FGD4: variants seen among roughly 807,000 people sequenced by gnomAD.
The protein encoded by FGD4 is FYVE, RhoGEF and PH domain containing 4.
FGD4 carries 42 observed loss-of-function variants against 102.0 expected under a neutral mutation model. That is an observed-to-expected ratio of 0.41 (90% CI 0.32 to 0.53). The LOEUF (loss-of-function observed/expected upper bound fraction) is 0.53. Ranked by LOEUF, FGD4 falls within the 20% of genes least tolerant of loss-of-function variation. The pLI, the probability that FGD4 is intolerant of heterozygous loss-of-function variation, is 0.21. For missense variants in FGD4, 902 were observed against 1,078.2 expected (o/e 0.84, Z 2.29); for synonymous variants, 380 against 375.7 (o/e 1.01, Z -0.13).
In FGD4 at chr12:32,645,874, A is replaced by G. The variant is rs1023722982; in HGVS notation, c.*5341A>G. 1 of 152,332 alleles carries G rather than the reference A, an allele frequency of 6.6e-6. No homozygotes were observed. The highest frequency in any genetic ancestry group is 1.9e-4 in the East Asian group (1 of 5,188). 9.4% of individuals were successfully genotyped at this position (152,332 alleles called of 1,614,324 possible). On this transcript the variant is annotated 3_prime_UTR_variant, in exon 17 of 17. Transcript: ENST00000534526. ...CTCAAGTGTGAAAGTATACACAAGT[A>G]ATTTTTCTTTTCTAGCTATGTGAAT...
rs1485635254 is a variant in FGD4 at position 32,418,862 on chromosome 12, A to C, written c.166+18903A>C. 5.3e-5 allele frequency among the ~76,000 whole-genome samples: 8 copies of C among 152,196 alleles called. No homozygotes were observed. The South Asian group carries it at 1.7e-3, about 31-fold the overall frequency. On this transcript the variant is annotated intron_variant, in intron 1 of 16. Coordinates refer to ENST00000534526, the MANE Select transcript of FGD4 (RefSeq NM_001370298.3). ...GCTGTCTGAGAACACCAGGGATTGA[A>C]GTCAAAACCTTAGATATTTACCTGG...
At chr12:32,495,522 C>A (rs142203952) in intron 1 of FGD4, among the ~76,000 whole-genome samples, 1 of 151,806 alleles carries the variant, frequency 6.6e-6, no homozygotes, top group East Asian at 1.9e-4. Flanking sequence ...CAGCGAAACC[C>A]GTCTCTACTA....
intron 1 of FGD4, among the ~76,000 whole-genome samples, chr12:32,545,105 G>T (rs1943129828): frequency 6.6e-6 from 1 of 152,186 alleles, no homozygotes; most frequent in Non-Finnish European, 1.5e-5. Flanking sequence ...TGGTCTACTG[G>T]TTTACATGCA....
chr12:32,610,216 A>G (rs116084529), intron 8 of FGD4, among the ~76,000 whole-genome samples: 2,042 of 152,338 alleles, frequency 0.013, 47 homozygotes, highest in African/African-American at 0.047. Flanking sequence ...GCCAAGTTGT[A>G]TTACTTCCCC....
intron 1 of FGD4, among the ~76,000 whole-genome samples, chr12:32,518,206 G>A (rs547767580): frequency 6.6e-6 from 1 of 152,260 alleles, no homozygotes; most frequent in East Asian, 1.9e-4. Context: ...TCTATGAAGG[G>A]TGGTGTGCCC....
intron 1 of FGD4, among the ~76,000 whole-genome samples, chr12:32,415,232 G>A (rs1266142222): frequency 2.0e-5 from 3 of 152,072 alleles, no homozygotes; most frequent in Non-Finnish European, 2.9e-5. Context: ...TGATCCATAT[G>A]CTCAGGAGGA....
chr12:32,487,653 C>T (rs905975373), intron 1 of FGD4, among the ~76,000 whole-genome samples: 19 of 152,182 alleles, frequency 1.2e-4, no homozygotes, highest in East Asian at 9.6e-4. Context: ...TCTTGAACTC[C>T]GGACCTCAAG....
intron 1 of FGD4, among the ~76,000 whole-genome samples, chr12:32,532,127 A>C (rs537475841): frequency 6.6e-6 from 1 of 152,182 alleles, no homozygotes; most frequent in Non-Finnish European, 1.5e-5. Flanking sequence ...TCTCCTTTAC[A>C]TCCATAGCTA....
rs369968367 is a variant in FGD4 at position 32,541,092 on chromosome 12, AT to A, written c.167-23043del. ...GAATTGGAAAATTGGTTTATCTTTGATTAACTGGTTCATTTTTTTTCTTCCT... is the reference window on the plus strand; with the variant it reads ...GAATTGGAAAATTGGTTTATCTTTGATAACTGGTTCATTTTTTTTCTTCCT... On this transcript the variant is annotated intron_variant, in intron 1 of 16. Transcript: ENST00000534526. Among the ~76,000 whole-genome samples the A allele has an allele frequency of 7.0e-3, 1,063 of 152,254 alleles. 14 individuals are homozygous for A. The highest frequency in any genetic ancestry group is 0.05 in the South Asian group (242 of 4,820).
intron 1 of FGD4, among the ~76,000 whole-genome samples, chr12:32,527,850 C>G (rs1388753526): frequency 6.6e-6 from 1 of 152,100 alleles, no homozygotes; most frequent in Admixed American, 6.5e-5. Flanking sequence ...GTTTAGGGAT[C>G]AATTTCCTAA....
chr12:32,480,089 G>A (rs1214752855), intron 1 of FGD4, among the ~76,000 whole-genome samples: 1 of 151,378 alleles, frequency 6.6e-6, no homozygotes, highest in Non-Finnish European at 1.5e-5. Flanking sequence ...ACTACGCCCT[G>A]CCTGTAAAGT....
At position 32,643,000 on chromosome 12, in the gene FGD4, G is replaced by A. The variant is rs922117248; in HGVS notation, c.*2467G>A. On this transcript the variant is annotated 3_prime_UTR_variant, in exon 17 of 17. Coordinates refer to ENST00000534526, the MANE Select transcript of FGD4 (RefSeq NM_001370298.3). Reference sequence around the variant, plus strand: ...TGGTTGCTTTCCCATTAAAACCAACGTTCCCTGTGGGTCTTAATTCTTTAT... The same window carrying A: ...TGGTTGCTTTCCCATTAAAACCAACATTCCCTGTGGGTCTTAATTCTTTAT... 5 of 152,414 alleles carry A rather than the reference G, an allele frequency of 3.3e-5. No individual in the cohort carries two copies. Among genetic ancestry groups the A allele is most frequent in the Non-Finnish European group, 5.9e-5 (4 of 67,914 alleles). 9.4% of individuals were successfully genotyped at this position (152,414 alleles called of 1,614,324 possible).
At chr12:32,543,079 G>A (rs1218005467) in intron 1 of FGD4, among the ~76,000 whole-genome samples, 2 of 152,178 alleles carry the variant, frequency 1.3e-5, no homozygotes, top group Non-Finnish European at 2.9e-5. Context: ...CTGACTCACC[G>A]TAAATCAGAG....
At chr12:32,631,771 T>G (rs947820546) in intron 14 of FGD4, among the ~76,000 whole-genome samples, 1 of 152,166 alleles carries the variant, frequency 6.6e-6, no homozygotes, top group African/African-American at 2.4e-5. Flanking sequence ...CCCAAAGTGC[T>G]GTGATTGCAA....
intron 1 of FGD4, among the ~76,000 whole-genome samples, chr12:32,482,672 G>A (rs892651555): frequency 1.3e-5 from 2 of 152,132 alleles, no homozygotes; most frequent in Non-Finnish European, 2.9e-5. Flanking sequence ...AATCCCATGA[G>A]GTAGAAAGAG....
At chr12:32,581,012 T>G (rs539064446) in intron 3 of FGD4, among the ~76,000 whole-genome samples, 2 of 151,550 alleles carry the variant, frequency 1.3e-5, no homozygotes, top group South Asian at 4.2e-4. Context: ...TAAAGAAAAA[T>G]AAAATCAGAT....
chr12:32,432,734 T>C (rs969841541), intron 1 of FGD4, among the ~76,000 whole-genome samples: 4 of 152,126 alleles, frequency 2.6e-5, no homozygotes, highest in African/African-American at 9.7e-5. Context: ...AACGTGAACC[T>C]TCATGTTAAC....
In FGD4 at chr12:32,642,483, T is replaced by G. The variant is rs900778701; in HGVS notation, c.*1950T>G. On this transcript the variant is annotated 3_prime_UTR_variant, in exon 17 of 17. Coordinates refer to ENST00000534526, the MANE Select transcript of FGD4 (RefSeq NM_001370298.3). ...GTAATGTATGGGCCAATGGGAAGAT[T>G]TATAAGTCAGATTATTTTTGAAAAC... 2 of 152,034 alleles carry G rather than the reference T, an allele frequency of 1.3e-5. No individual in the cohort carries two copies. The highest frequency in any genetic ancestry group is 2.9e-5 in the Non-Finnish European group (2 of 67,938). The allele number at this position is 152,034 out of a possible 1,614,324, so 9.4% of individuals were successfully genotyped here. A position where few individuals can be genotyped will look rare whatever the true frequency, so the allele number is the denominator to read the frequency against.
intron 2 of FGD4, among the ~76,000 whole-genome samples, chr12:32,567,022 C>A (rs1031967357): frequency 6.6e-6 from 1 of 152,196 alleles, no homozygotes; most frequent in Non-Finnish European, 1.5e-5. Flanking sequence ...AAATAACTCA[C>A]AATCTTCCTG....
Sources: allele counts gnomAD v4.1 joint callset (sites outside exome capture counted in the v4.1 genomes callset), GRCh38; gene constraint gnomAD v4.1.1; transcripts MANE v1.5; gene names NCBI Gene and HGNC (gene_info 2026-07-23, HGNC 2026-07-21).